The following AGAP1 variants were observed in gnomAD, a reference collection of about 807,000 sequenced individuals.
AGAP1 encodes arf-GAP with GTPase, ANK repeat and PH domain-containing protein 1.
In AGAP1, 29 loss-of-function variants were observed where a neutral mutation model predicts 105.3. That is an observed-to-expected ratio of 0.28 (90% CI 0.21 to 0.38). The LOEUF is 0.38. AGAP1 is among the 10% of genes least tolerant of loss of function. AGAP1 has a pLI of 1.00. For synonymous variants in AGAP1, 509 were observed against 485.9 expected, an observed-to-expected ratio of 1.05 and a Z score of -0.63; for missense variants, 998 against 1,165.1, an observed-to-expected ratio of 0.86 and a Z score of 2.09.
rs921008655 is a variant in AGAP1, at chr2:235,639,629, T to C, written c.164-69550T>C. ...GTCAAGCTGCCTGCTGTGTTTCTGG[T>C]GCCCAAATGTTCTGGGCACACTGTT... On this transcript the variant is annotated intron_variant, in intron 1 of 17. Transcript: ENST00000304032. The surrounding 1 kb of genome is among the most constrained non-coding windows in gnomAD (Gnocchi z 5.3). Among the ~76,000 whole-genome samples the C allele has an allele frequency of 3.9e-5, 6 of 152,260 alleles. No homozygotes were observed. The highest frequency in any genetic ancestry group is 1.4e-4 in the African/African-American group (6 of 41,560).
At chr2:236,067,063 G>C (rs960279304) in intron 16 of AGAP1, among the ~76,000 whole-genome samples, 1 of 150,688 alleles carries the variant, frequency 6.6e-6, no homozygotes, top group South Asian at 2.1e-4. Flanking sequence ...AGAGTTTACT[G>C]TAAGTCAGAT....
In AGAP1 at chr2:236,040,126, T is replaced by A. The variant is rs1445888806; in HGVS notation, c.1801-625T>A. Among the ~76,000 whole-genome samples, 1 of 151,874 alleles carries A rather than the reference T, an allele frequency of 6.6e-6. No homozygotes were observed. Among genetic ancestry groups the A allele is most frequent in the African/African-American group, 2.4e-5 (1 of 41,332 alleles). Reference sequence around the variant, plus strand: ...ACACTGGCTCAAAAAATAATAATAATAAATAAATAAATAAAAATAAAGCAA... The same window carrying A: ...ACACTGGCTCAAAAAATAATAATAAAAAATAAATAAATAAAAATAAAGCAA... On this transcript the variant is annotated intron_variant, in intron 14 of 17. Transcript: ENST00000304032. The surrounding 1 kb of genome is among the most constrained non-coding windows in gnomAD (Gnocchi z 5.6).
At chr2:235,605,562 T>A (rs1038181688) in intron 1 of AGAP1, among the ~76,000 whole-genome samples, 5 of 152,158 alleles carry the variant, frequency 3.3e-5, no homozygotes, top group African/African-American at 9.7e-5. Flanking sequence ...CACGTGTGGG[T>A]CCCTAACGGC....
intron 15 of AGAP1, among the ~76,000 whole-genome samples, chr2:236,041,691 G>A (rs1419090645): frequency 6.6e-6 from 1 of 152,130 alleles, no homozygotes. Flanking sequence ...TTCAAACAAG[G>A]TAAGAGGTGC....
intron 9 of AGAP1, among the ~76,000 whole-genome samples, chr2:235,833,360 A>G (rs2106352254): frequency 6.6e-6 from 1 of 152,338 alleles, no homozygotes; most frequent in East Asian, 1.9e-4. Flanking sequence ...TGCTGTAGCA[A>G]AATTAGAAGA....
chr2:235,745,534 A>T (rs1020889579), intron 5 of AGAP1, among the ~76,000 whole-genome samples: 1 of 152,240 alleles, frequency 6.6e-6, no homozygotes, highest in Non-Finnish European at 1.5e-5. Context: ...TAAAAGTCAG[A>T]TGGAGGTTAG....
chr2:235,779,359 G>A (rs979705424), intron 6 of AGAP1, among the ~76,000 whole-genome samples: 2 of 152,088 alleles, frequency 1.3e-5, no homozygotes, highest in Non-Finnish European at 2.9e-5. Flanking sequence ...GAGGGGCCTC[G>A]GCCACTCTTG....
intron 1 of AGAP1, among the ~76,000 whole-genome samples, chr2:235,708,617 A>G (rs1048300581): frequency 6.6e-6 from 1 of 152,198 alleles, no homozygotes; most frequent in African/African-American, 2.4e-5. Context: ...CTAGCACCAG[A>G]TCTTTCTTCT....
At position 235,586,357 on chromosome 2, in the gene AGAP1, G is replaced by C. The variant is rs1945112401; in HGVS notation, c.163+91508G>C. 6.6e-6 allele frequency among the ~76,000 whole-genome samples: 1 copy of C among 152,200 alleles called. No homozygotes were observed. The highest frequency in any genetic ancestry group is 1.5e-5 in the Non-Finnish European group (1 of 68,034). On this transcript the variant is annotated intron_variant, in intron 1 of 17. Coordinates refer to ENST00000304032, the MANE Select transcript of AGAP1 (RefSeq NM_001037131.3). This position sits in a 1 kb window ranked among gnomAD's most constrained non-coding sequence, Gnocchi z 4.2. Reference sequence around the variant, plus strand: ...GGTGGGCACACTGCTACAACCCCCTGGGTGTGTGTGGAGTTGGGAAAGAGA... The same window carrying C: ...GGTGGGCACACTGCTACAACCCCCTCGGTGTGTGTGGAGTTGGGAAAGAGA...
At position 235,725,507 on chromosome 2, in the gene AGAP1, GAAAA is replaced by G. The variant is rs79340469; in HGVS notation, c.310+7874_310+7877del. Among the ~76,000 whole-genome samples, 1 of 126,606 alleles carries G rather than the reference GAAAA, an allele frequency of 7.9e-6. No individual in the cohort carries two copies. The highest frequency in any genetic ancestry group is 2.9e-5 in the African/African-American group (1 of 34,176). 83.1% of individuals were successfully genotyped at this position (126,606 alleles called of 152,430 possible). The stretch of plus-strand genomic sequence containing the variant: ...TTGGGTGCTGTTTAATGTTCCAGTG[GAAAA>G]AAAAAAAAAACACCTGTAATACTCC... On this transcript the variant is annotated intron_variant, in intron 3 of 17. Coordinates refer to ENST00000304032, the MANE Select transcript of AGAP1 (RefSeq NM_001037131.3). This position sits in a 1 kb window ranked among gnomAD's most constrained non-coding sequence, Gnocchi z 5.7.
chr2:235,766,752 A>AT (rs1401480920), intron 6 of AGAP1, among the ~76,000 whole-genome samples: 5 of 152,006 alleles, frequency 3.3e-5, no homozygotes, highest in South Asian at 4.1e-4. Flanking sequence ...TTTCTTTTGT[A>AT]TTTTTTTGAG....
chr2:236,025,908 G>GTGGGTGGGTGGGTAGATGGA (rs547504974), intron 13 of AGAP1, among the ~76,000 whole-genome samples: 1 of 100,314 alleles, frequency 1.0e-5, no homozygotes, highest in East Asian at 2.7e-4. Context: ...TCTCGGGTGG[G>GTGGGTGGGTGGGTAGATGGA]TGGATGGATG....
At chr2:235,675,520 C>T (rs1224370547) in intron 1 of AGAP1, among the ~76,000 whole-genome samples, 2 of 152,168 alleles carry the variant, frequency 1.3e-5, no homozygotes, top group Non-Finnish European at 2.9e-5. Context: ...TTCAGTGTTT[C>T]TCATTTGAAA....
At chr2:235,533,464 A>G (rs893935419) in intron 1 of AGAP1, among the ~76,000 whole-genome samples, 3 of 152,208 alleles carry the variant, frequency 2.0e-5, no homozygotes, top group Non-Finnish European at 4.4e-5. Flanking sequence ...TTACTGTTGT[A>G]TAGGAAGAAG....
chr2:235,764,473 C>A (rs181462106), intron 6 of AGAP1, among the ~76,000 whole-genome samples: 4 of 152,352 alleles, frequency 2.6e-5, no homozygotes, highest in African/African-American at 7.2e-5. Context: ...ACATCCCCCC[C>A]ACTTTGGTGA....
Position 236,051,260 on chromosome 2 carries a change from A to G in AGAP1, c.2114+1979A>G, listed in dbSNP as rs2057886155. On this transcript the variant is annotated intron_variant, in intron 16 of 17. Transcript: ENST00000304032. The surrounding 1 kb of genome is among the most constrained non-coding windows in gnomAD (Gnocchi z 5.9). ...CTGAATATTTCTTTGTGCCTGTAGT[A>G]ATTTTCCTGGGGAGTTTTGTTTTCA... is the stretch of plus-strand genomic sequence containing the variant. Among the ~76,000 whole-genome samples, 1 of 152,208 alleles carries G rather than the reference A, an allele frequency of 6.6e-6. No homozygotes were observed. The highest frequency in any genetic ancestry group is 1.5e-5 in the Non-Finnish European group (1 of 68,030).
chr2:235,961,318 G>C lies in AGAP1; in HGVS notation c.1484-7144G>C, dbSNP rs2054176925. On this transcript the variant is annotated intron_variant, in intron 12 of 17. Coordinates refer to ENST00000304032, the MANE Select transcript of AGAP1 (RefSeq NM_001037131.3). This position sits in a 1 kb window ranked among gnomAD's most constrained non-coding sequence, Gnocchi z 5.9. ...AAACTTCCTGGTGTCCCTTCTGCCT[G>C]CCTAGCAGAACCCCTCCACACGGCT... Among the ~76,000 whole-genome samples the C allele has an allele frequency of 6.6e-6, 1 of 152,204 alleles. No homozygotes were observed. The highest frequency in any genetic ancestry group is 6.5e-5 in the Admixed American group (1 of 15,290).
chr2:236,023,625 T>C (rs1358441259), intron 13 of AGAP1, among the ~76,000 whole-genome samples: 1 of 152,132 alleles, frequency 6.6e-6, no homozygotes, highest in Non-Finnish European at 1.5e-5. Flanking sequence ...CCTTGGCTGT[T>C]GTATTGTCCC....
rs915738646 is a variant in AGAP1, at chr2:235,557,142, C to T, written c.163+62293C>T. ...TTGTCTTGCTGACCTGGTCTGCCTC[C>T]TGCTTGCTTCCATAGCAGAGCCTGT... is the stretch of plus-strand genomic sequence containing the variant. On this transcript the variant is annotated intron_variant, in intron 1 of 17. Transcript: ENST00000304032. This position sits in a 1 kb window ranked among gnomAD's most constrained non-coding sequence, Gnocchi z 4.7. Among the ~76,000 whole-genome samples the T allele has an allele frequency of 6.6e-6, 1 of 152,004 alleles. No homozygotes were observed. Among genetic ancestry groups the T allele is most frequent in the African/African-American group, 2.4e-5 (1 of 41,378 alleles).
Sources: gnomAD v4.1 joint callset for allele counts (sites outside exome capture counted in the v4.1 genomes callset) on GRCh38, gnomAD v4.1.1 for gene constraint, Gnocchi (gnomAD v3.1) non-coding constraint, MANE v1.5 for transcripts, NCBI Gene and HGNC (gene_info 2026-07-23, HGNC 2026-07-21) for gene names.